The following SNX29 variants were observed in gnomAD, a reference collection of about 807,000 sequenced individuals.
SNX29 encodes sorting nexin 29.
SNX29 carries 78 observed loss-of-function variants against 102.1 expected under a neutral mutation model. The observed-to-expected ratio is 0.76, with a 90% CI of 0.64 to 0.92. The LOEUF (loss-of-function observed/expected upper bound fraction) is 0.92, where lower values mean the gene tolerates loss of function less well. Ranked by LOEUF, SNX29 falls within the 40% of genes least tolerant of loss-of-function variation. SNX29 has a pLI of 0.00. For synonymous variants in SNX29, 580 were observed against 414.5 expected (o/e 1.40, Z -4.85); for missense variants, 1,280 against 1,061.7 (o/e 1.21, Z -2.86).
At chr16:12,200,596 C>A (rs1237178248) in intron 14 of SNX29, among the ~76,000 whole-genome samples, 9 of 152,094 alleles carry the variant, frequency 5.9e-5, no homozygotes, top group Non-Finnish European at 1.2e-4. Context: ...GATTCTCCTG[C>A]CTCAGCCTCC....
rs115855558 is a variant in SNX29, at chr16:12,321,162, G to T, written c.1783-35001G>T. ...CTTCTGTCAGCTGCCACACTGCTCT[G>T]TTCCTACCACATCCCAGTCTCACCC... On this transcript the variant is annotated intron_variant, in intron 15 of 20. Coordinates refer to ENST00000566228, the MANE Select transcript of SNX29 (RefSeq NM_032167.5). Among the ~76,000 whole-genome samples, 1,034 of 152,146 alleles carry T rather than the reference G, an allele frequency of 6.8e-3. 11 individuals are homozygous for T. The highest frequency in any genetic ancestry group is 0.023 in the African/African-American group (955 of 41,506).
chr16:12,229,265 C>T (rs973115206), intron 14 of SNX29, among the ~76,000 whole-genome samples: 1 of 152,220 alleles, frequency 6.6e-6, no homozygotes, highest in African/African-American at 2.4e-5. Flanking sequence ...AAAGCACCAG[C>T]ATAGTACCTG....
intron 20 of SNX29, among the ~76,000 whole-genome samples, chr16:12,544,545 C>G (rs1188420125): frequency 1.3e-5 from 2 of 152,290 alleles, no homozygotes; most frequent in African/African-American, 2.4e-5. Context: ...GGAACATTCT[C>G]TGGAATGTTA....
chr16:12,276,711 G>A (rs1033265764), intron 14 of SNX29, among the ~76,000 whole-genome samples: 11 of 152,130 alleles, frequency 7.2e-5, no homozygotes, highest in African/African-American at 1.4e-4. Context: ...CCTTGGTGTG[G>A]GAGGTCTTCC....
At chr16:12,291,474 A>G (rs994868459) in intron 15 of SNX29, among the ~76,000 whole-genome samples, 1 of 152,182 alleles carries the variant, frequency 6.6e-6, no homozygotes, top group Non-Finnish European at 1.5e-5. Context: ...ACACGTGGGA[A>G]TTGTGGGAGC....
Position 12,052,201 on chromosome 16 carries a change from G to T in SNX29, c.1103G>T (p.Gly368Val). 1 of 1,613,944 alleles carries T rather than the reference G, an allele frequency of 6.2e-7. No individual in the cohort carries two copies. Among genetic ancestry groups the T allele is most frequent in the Non-Finnish European group, 8.5e-7 (1 of 1,179,866 alleles). ...AACTCATCAGGAAGGAAGCACAGGG[G>T]CCACTCGGAGTCGCCCGAGAAGTAA... ...YGNSSGRKHR[G>V]HSESPEKPLE... Residue 368 changes from glycine (G) to valine (V), a missense_variant, in exon 8 of 21, where the codon GGC becomes GTC. By Grantham distance (109) the Gly-to-Val change is moderately radical (BLOSUM62 -3). Transcript: ENST00000566228.
At chr16:12,350,640 C>A (rs1247679993) in intron 15 of SNX29, among the ~76,000 whole-genome samples, 2 of 152,120 alleles carry the variant, frequency 1.3e-5, no homozygotes, top group Non-Finnish European at 2.9e-5. Flanking sequence ...CTGCAACGTC[C>A]CCGTTTTACA....
intron 6 of SNX29, among the ~76,000 whole-genome samples, chr16:12,047,989 T>A (rs1336741892): frequency 6.6e-6 from 1 of 152,006 alleles, no homozygotes; most frequent in Non-Finnish European, 1.5e-5. Context: ...TAGGTGGCAG[T>A]GCCGGGATTC....
At chr16:12,400,991 A>AT (rs1435646307) in intron 17 of SNX29, among the ~76,000 whole-genome samples, 4 of 151,520 alleles carry the variant, frequency 2.6e-5, no homozygotes, top group Admixed American at 6.6e-5. Flanking sequence ...CCCGGCTATG[A>AT]TTTTTTTTGT....
At chr16:12,216,626 A>G (rs2077330950) in intron 14 of SNX29, among the ~76,000 whole-genome samples, 3 of 152,182 alleles carry the variant, frequency 2.0e-5, no homozygotes, top group Admixed American at 6.5e-5. Context: ...ATGAAGACTT[A>G]GATTGTGGGT....
Position 12,572,822 on chromosome 16 carries a change from C to A in SNX29, c.*4193C>A. The A allele has an allele frequency of 1.9e-6, 2 of 1,064,026 alleles. No individual in the cohort carries two copies. Among genetic ancestry groups the A allele is most frequent in the Non-Finnish European group, 2.3e-6 (2 of 878,446 alleles). The allele number at this position is 1,064,026 out of a possible 1,614,324, so 65.9% of individuals were successfully genotyped here. On this transcript the variant is annotated 3_prime_UTR_variant, in exon 21 of 21. Coordinates refer to ENST00000566228, the MANE Select transcript of SNX29 (RefSeq NM_032167.5). ...GTACATCAGACTGGTTAGGAGGCATCCCAGAAGGGGCAGCCTCATGCCCAG... is the reference window on the plus strand; with the variant it reads ...GTACATCAGACTGGTTAGGAGGCATACCAGAAGGGGCAGCCTCATGCCCAG...
chr16:12,383,072 T>G (rs2083229643), intron 16 of SNX29, among the ~76,000 whole-genome samples: 1 of 152,178 alleles, frequency 6.6e-6, no homozygotes, highest in South Asian at 2.1e-4. Flanking sequence ...TTTAAAAAAT[T>G]TTTTAGAAGA....
intron 15 of SNX29, among the ~76,000 whole-genome samples, chr16:12,328,085 A>G (rs533193866): frequency 6.6e-6 from 1 of 152,266 alleles, no homozygotes; most frequent in African/African-American, 2.4e-5. Flanking sequence ...CGGGTTGCCC[A>G]TTGGTAAAAT....
chr16:12,414,306 C>G (rs1034161002), intron 18 of SNX29, among the ~76,000 whole-genome samples: 2 of 152,096 alleles, frequency 1.3e-5, no homozygotes, highest in African/African-American at 2.4e-5. Context: ...CCCAGGAGAT[C>G]GAGGCTGCAG....
chr16:12,042,955 C>T lies in SNX29; in HGVS notation c.306C>T (p.Phe102=). 1 of 1,613,930 alleles carries T rather than the reference C, an allele frequency of 6.2e-7. No homozygotes were observed. The highest frequency in any genetic ancestry group is 8.5e-7 in the Non-Finnish European group (1 of 1,179,858). Reference sequence around the variant, plus strand: ...TCAACAAGCACGAGCTGCAGCGCTTCTACTCCCTGCGCCACATCGCCTCAG... The same window carrying T: ...TCAACAAGCACGAGCTGCAGCGCTTTTACTCCCTGCGCCACATCGCCTCAG... ...EVLNKHELQR[F]YSLRHIASDV... The change falls in exon 5 of 21, where the codon TTC becomes TTT. Residue 102 remains phenylalanine, a synonymous_variant. Transcript: ENST00000566228.
At position 11,999,349 on chromosome 16, in the gene SNX29, A is replaced by C. The variant is rs779672617; in HGVS notation, c.60A>C (p.Ala20=). Residue 20 remains alanine (A), a synonymous_variant, in exon 2 of 21, where the codon GCA becomes GCC. Transcript: ENST00000566228. ...TTCTGCTGGAGCGACTGCTGGATGC[A>C]GTGAAACAGGTAAGCAGAAAGCACA... The part of the protein sequence containing the change: ...RQFLLERLLD[A]VKQCQIRFGG... 5.6e-6 allele frequency: 9 copies of C among 1,614,024 alleles called. No individual in the cohort carries two copies. In the African/African-American group the frequency reaches 1.1e-4, roughly 19 times the overall value.
At chr16:12,207,122 A>G (rs2077064231) in intron 14 of SNX29, among the ~76,000 whole-genome samples, 1 of 152,058 alleles carries the variant, frequency 6.6e-6, no homozygotes, top group South Asian at 2.1e-4. Context: ...TAATCCCAGC[A>G]TTTCGGGAGG....
At chr16:12,524,352 TG>T (rs2090214493) in intron 19 of SNX29, among the ~76,000 whole-genome samples, 1 of 151,890 alleles carries the variant, frequency 6.6e-6, no homozygotes, top group Admixed American at 6.6e-5. Flanking sequence ...CTCGCTGGCC[TG>T]TGAACTCCAC....
intron 20 of SNX29, among the ~76,000 whole-genome samples, chr16:12,558,912 G>C (rs926405037): frequency 6.6e-6 from 1 of 152,212 alleles, no homozygotes; most frequent in Non-Finnish European, 1.5e-5. Context: ...TGAAAGCATT[G>C]TCTTGTTTAA....
Sources: gnomAD v4.1 joint callset for allele counts (sites outside exome capture counted in the v4.1 genomes callset) on GRCh38, gnomAD v4.1.1 for gene constraint, MANE v1.5 for transcripts, NCBI Gene and HGNC (gene_info 2026-07-23, HGNC 2026-07-21) for gene names.